EPHA4: variants seen among roughly 807,000 people sequenced by gnomAD.
EPHA4 encodes EPH receptor A4.
EPHA4 carries 19 observed loss-of-function variants against 108.3 expected under a neutral mutation model. The ratio of observed to expected loss-of-function variants is 0.18; its 90% CI spans 0.12 to 0.26. EPHA4 has a LOEUF of 0.26. Among genes scored for constraint, EPHA4 ranks in the 10% least tolerant of loss-of-function variants. EPHA4 has a pLI of 1.00. For synonymous variants in EPHA4, 449 were observed against 455.5 expected (o/e 0.99, Z 0.18); for missense variants, 917 against 1,254.0 (o/e 0.73, Z 4.06).
chr2:221,437,150 A>G (rs1227341722), intron 11 of EPHA4, 28 bp from the exon 12 acceptor site: 1 of 1,533,638 alleles, frequency 6.5e-7, no homozygotes, highest in African/African-American at 1.4e-5. Flanking sequence ...AAAAACACAA[A>G]CCTTTGATGA....
chr2:221,458,114 A>G, intron 5 of EPHA4, 124 bp from the exon 6 acceptor site: 1 of 1,169,960 alleles, frequency 8.5e-7, no homozygotes, highest in Non-Finnish European at 1.2e-6. Flanking sequence ...CTCCCCCTTG[A>G]CCATTTTACT....
Position 221,572,173 on chromosome 2 carries a change from A to T in EPHA4, c.76T>A (p.Tyr26Asn). ...ICDAVTGSRV[Y>N]PANEVTLLDS... is the part of the protein sequence containing the mutation. ...CCGCTCTTACCTTCATTCGCGGGGT[A>T]TACCCTGGAACCTGTGACAGCGTCG... The change falls in exon 1 of 18, where the codon TAC becomes AAC. Residue 26 changes from tyrosine to asparagine, a missense_variant. Coordinates refer to ENST00000281821, the MANE Select transcript of EPHA4 (RefSeq NM_004438.5). 3 of 1,613,968 alleles carry T rather than the reference A, an allele frequency of 1.9e-6. No homozygotes were observed. Among genetic ancestry groups the T allele is most frequent in the Non-Finnish European group, 2.5e-6 (3 of 1,179,822 alleles).
chr2:221,521,006 G>T (rs1013416182), intron 3 of EPHA4, among the ~76,000 whole-genome samples: 1 of 152,032 alleles, frequency 6.6e-6, no homozygotes, highest in African/African-American at 2.4e-5. Context: ...GTTATATTGC[G>T]CCCCCTTTGA....
At chr2:221,502,732 A>G (rs923543012) in intron 3 of EPHA4, among the ~76,000 whole-genome samples, 3 of 152,182 alleles carry the variant, frequency 2.0e-5, no homozygotes, top group African/African-American at 7.2e-5. Flanking sequence ...GGGGCTCAGG[A>G]AGGCACACAG....
chr2:221,483,892 T>C (rs1256997720), intron 4 of EPHA4, among the ~76,000 whole-genome samples: 2 of 152,116 alleles, frequency 1.3e-5, no homozygotes, highest in Non-Finnish European at 2.9e-5. Context: ...ATTTTCTTGG[T>C]CTGAACCAGT....
At chr2:221,497,945 A>G (rs536593285) in intron 4 of EPHA4, among the ~76,000 whole-genome samples, 1 of 152,148 alleles carries the variant, frequency 6.6e-6, no homozygotes, top group Non-Finnish European at 1.5e-5. Context: ...TGGTCCATCC[A>G]TATGCTAAAA....
chr2:221,477,044 ATT>A (rs952086028), intron 5 of EPHA4, among the ~76,000 whole-genome samples: 1 of 119,202 alleles, frequency 8.4e-6, no homozygotes, highest in Non-Finnish European at 1.8e-5. Flanking sequence ...ATGCCACTTT[ATT>A]TTATTATTAT....
chr2:221,535,050 T>A (rs561706171), intron 3 of EPHA4, among the ~76,000 whole-genome samples: 55 of 152,206 alleles, frequency 3.6e-4, no homozygotes, highest in Non-Finnish European at 6.5e-4. Flanking sequence ...TTCAATCTTA[T>A]CCAGTTAAAA....
At chr2:221,423,181 C>T (rs1350038519) in intron 17 of EPHA4, among the ~76,000 whole-genome samples, 1 of 152,332 alleles carries the variant, frequency 6.6e-6, no homozygotes. Flanking sequence ...TACACACTTG[C>T]AACAACACCA....
In EPHA4 at chr2:221,455,600, C is replaced by G; in HGVS notation, c.1662G>C (p.Ser554=). The G allele has an allele frequency of 6.2e-7, 1 of 1,613,898 alleles. No homozygotes were observed. The highest frequency in any genetic ancestry group is 1.3e-5 in the African/African-American group (1 of 75,012). ...GAATTACCACCAGCACCACACTGCC[C>G]GAGACAGAGACCAGAAGGACTGTGG... ...ANSTVLLVSV[S]GSVVLVVILI... The change falls in exon 8 of 18, where the codon TCG becomes TCC. Residue 554 remains serine, a synonymous_variant. Transcript: ENST00000281821.
rs553696198 is a variant in EPHA4, at chr2:221,559,418, C to T, written c.823+4313G>A. ...AATTAAGCAAAAAATACACTAATAA[C>T]GAATCTTTTTGGCTGGGTGAGGTGG... On this transcript the variant is annotated intron_variant, in intron 3 of 17. Coordinates refer to ENST00000281821, the MANE Select transcript of EPHA4 (RefSeq NM_004438.5). Among the ~76,000 whole-genome samples, 1,397 of 152,190 alleles carry T rather than the reference C, an allele frequency of 9.2e-3. 12 individuals are homozygous for T. Among genetic ancestry groups the T allele is most frequent in the Non-Finnish European group, 0.015 (1,000 of 68,026 alleles).
intron 3 of EPHA4, among the ~76,000 whole-genome samples, chr2:221,540,423 T>C (rs1430174742): frequency 1.3e-5 from 2 of 152,178 alleles, no homozygotes; most frequent in Non-Finnish European, 2.9e-5. Context: ...AACAAATAAT[T>C]TGGCCAATAC....
At chr2:221,466,679 G>C (rs1223243288) in intron 5 of EPHA4, among the ~76,000 whole-genome samples, 1 of 152,098 alleles carries the variant, frequency 6.6e-6, no homozygotes, top group Non-Finnish European at 1.5e-5. Context: ...ATCTCTTGCA[G>C]GACTTAATTC....
rs531636904 is a variant in EPHA4, at chr2:221,540,923, G to A, written c.823+22808C>T. On this transcript the variant is annotated intron_variant, in intron 3 of 17. Transcript: ENST00000281821. Reference sequence around the variant, plus strand: ...CCAATTCAGTGTCCAAAATGTTGTGGAAAACTGTCTTTTTTTTTTTTTTTT... The same window carrying A: ...CCAATTCAGTGTCCAAAATGTTGTGAAAAACTGTCTTTTTTTTTTTTTTTT... Among the ~76,000 whole-genome samples, 29 of 150,378 alleles carry A rather than the reference G, an allele frequency of 1.9e-4. No homozygotes were observed. In the East Asian group the frequency reaches 5.8e-3, roughly 30 times the overall value.
At chr2:221,488,706 A>G (rs566323991) in intron 4 of EPHA4, among the ~76,000 whole-genome samples, 1 of 152,208 alleles carries the variant, frequency 6.6e-6, no homozygotes, top group Non-Finnish European at 1.5e-5. Context: ...ATCATATCAT[A>G]TTATAAAATA....
At chr2:221,443,674 G>C in intron 9 of EPHA4, 68 bp from the exon 10 acceptor site, 1 of 1,153,096 alleles carries the variant, frequency 8.7e-7, no homozygotes, top group African/African-American at 1.5e-5. Flanking sequence ...AAATAGTCTG[G>C]GTCTAAAATT....
chr2:221,452,451 C>A (rs763963793), intron 8 of EPHA4, among the ~76,000 whole-genome samples: 1 of 152,238 alleles, frequency 6.6e-6, no homozygotes, highest in African/African-American at 2.4e-5. Context: ...TCTCTGTTCA[C>A]CTGTTCTTGT....
intron 3 of EPHA4, among the ~76,000 whole-genome samples, chr2:221,541,228 G>A (rs76514686): frequency 0.11 from 16,262 of 152,114 alleles, 1,061 homozygotes; most frequent in East Asian, 0.15. Flanking sequence ...GGGATTACAG[G>A]CATATGCCAC....
At chr2:221,494,401 C>T (rs187954003) in intron 4 of EPHA4, among the ~76,000 whole-genome samples, 5 of 152,138 alleles carry the variant, frequency 3.3e-5, no homozygotes, top group Non-Finnish European at 5.9e-5. Flanking sequence ...GTCAGGAGTT[C>T]GAGACCAGCC....
Sources: allele counts gnomAD v4.1 joint callset (sites outside exome capture counted in the v4.1 genomes callset), GRCh38; gene constraint gnomAD v4.1.1; transcripts MANE v1.5; gene names NCBI Gene and HGNC (gene_info 2026-07-23, HGNC 2026-07-21).